Variants in SRGAP2C observed in about 807,000 individuals in gnomAD.
SRGAP2C encodes SLIT-ROBO Rho GTPase-activating protein 2C.
In SRGAP2C, 15 loss-of-function variants were observed where a neutral mutation model predicts 25.1. That is an observed-to-expected ratio of 0.60 (90% confidence interval 0.40 to 0.92). The LOEUF (loss-of-function observed/expected upper bound fraction) is 0.92, where lower values mean the gene tolerates loss of function less well. Ranked by LOEUF, SRGAP2C falls within the 40% of genes least tolerant of loss-of-function variation. The probability of loss-of-function intolerance (pLI) is 0.00; values close to 1 mark genes in which losing one functional copy is unlikely to be tolerated. For synonymous variants in SRGAP2C, 44 were observed against 96.6 expected (o/e 0.46, Z 3.19); for missense variants, 144 against 264.4 (o/e 0.54, Z 3.16).
chr1:121,270,747 C>T (rs1202014567), intron 2 of SRGAP2C, among the ~76,000 whole-genome samples: 3 of 142,284 alleles, frequency 2.1e-5, no homozygotes, highest in Non-Finnish European at 4.6e-5. Flanking sequence ...GAAACAATAG[C>T]AGATATAATT....
At chr1:121,306,928 TTG>T (rs1657854782) in intron 3 of SRGAP2C, among the ~76,000 whole-genome samples, 1 of 152,006 alleles carries the variant, frequency 6.6e-6, no homozygotes, top group Non-Finnish European at 1.5e-5. Context: ...TATCTTTGCT[TTG>T]TGTGATGTAC....
At chr1:121,295,359 T>C (rs1657572554) in intron 3 of SRGAP2C, among the ~76,000 whole-genome samples, 1 of 151,734 alleles carries the variant, frequency 6.6e-6, no homozygotes, top group Admixed American at 6.6e-5. Flanking sequence ...AGTGGTAGTT[T>C]GCTAAATGAC....
intron 3 of SRGAP2C, among the ~76,000 whole-genome samples, chr1:121,303,990 G>A (rs1419477777): frequency 1.4e-5 from 2 of 147,370 alleles, no homozygotes; most frequent in Non-Finnish European, 3.0e-5. Flanking sequence ...CGATCATGAG[G>A]TCAGGAGATC....
chr1:121,351,614 T>TAAAG (rs1246796908), intron 4 of SRGAP2C, among the ~76,000 whole-genome samples: 1 of 128,470 alleles, frequency 7.8e-6, no homozygotes, highest in Non-Finnish European at 1.6e-5. Context: ...CATCTCAAAA[T>TAAAG]AAATAAATAA....
chr1:121,315,167 G>C, intron 3 of SRGAP2C: 1 of 402,176 alleles, frequency 2.5e-6, no homozygotes, highest in Non-Finnish European at 4.7e-6. Flanking sequence ...TTTTTTAAGA[G>C]ACAGGTCCTA....
chr1:121,293,057 A>C (rs1289762182), intron 3 of SRGAP2C, among the ~76,000 whole-genome samples: 6 of 125,352 alleles, frequency 4.8e-5, no homozygotes, highest in Non-Finnish European at 8.3e-5. Flanking sequence ...AATGGATGGG[A>C]GATAAAAAAA....
At chr1:121,313,526 G>C in intron 3 of SRGAP2C, among the ~76,000 whole-genome samples, 1 of 132,792 alleles carries the variant, frequency 7.5e-6, no homozygotes, top group Non-Finnish European at 1.6e-5. Flanking sequence ...AGTCTCGATG[G>C]TCTTTACATT....
intron 6 of SRGAP2C, 108 bp from the exon 7 acceptor site, chr1:121,374,718 G>C: frequency 1.6e-6 from 1 of 639,724 alleles, no homozygotes; most frequent in East Asian, 2.7e-5. Context: ...ATGCGCATAG[G>C]GAGTAGCAAC....
intron 2 of SRGAP2C, among the ~76,000 whole-genome samples, chr1:121,188,902 T>G (rs1654598970): frequency 1.3e-5 from 1 of 78,110 alleles, no homozygotes; most frequent in African/African-American, 6.2e-5. Context: ...GTGGGGGAGT[T>G]GACTGATTGA....
At chr1:121,277,893 A>G (rs1657144013) in intron 2 of SRGAP2C, among the ~76,000 whole-genome samples, 1 of 114,802 alleles carries the variant, frequency 8.7e-6, no homozygotes, top group Non-Finnish European at 1.8e-5. Context: ...AAGGAATGAA[A>G]AACAATTATT....
intron 2 of SRGAP2C, among the ~76,000 whole-genome samples, chr1:121,234,816 C>A (rs1298012486): frequency 6.7e-6 from 1 of 149,090 alleles, no homozygotes; most frequent in African/African-American, 2.6e-5. Flanking sequence ...GCCCCTCTTG[C>A]CCTCTTGCTC....
At chr1:121,234,847 C>T (rs1484688607) in intron 2 of SRGAP2C, among the ~76,000 whole-genome samples, 1 of 150,154 alleles carries the variant, frequency 6.7e-6, no homozygotes, top group Non-Finnish European at 1.5e-5. Flanking sequence ...TCTTGCCCTT[C>T]TGCCTTCTGC....
At chr1:121,332,808 C>T (rs1192944461) in intron 4 of SRGAP2C, among the ~76,000 whole-genome samples, 1 of 58,352 alleles carries the variant, frequency 1.7e-5, no homozygotes, top group East Asian at 5.4e-4. Context: ...TGTGAGAAGG[C>T]ATTTTGGGTG....
chr1:121,321,795 T>C lies in SRGAP2C; in HGVS notation c.261-2683T>C, dbSNP rs1424815390. Among the ~76,000 whole-genome samples, 4 of 152,186 alleles carry C rather than the reference T, an allele frequency of 2.6e-5. No individual in the cohort carries two copies. In the East Asian group the frequency reaches 7.7e-4, roughly 29 times the overall value. On this transcript the variant is annotated intron_variant, in intron 3 of 9. Coordinates refer to ENST00000367123, the MANE Select transcript of SRGAP2C (RefSeq NM_001329984.2). The stretch of plus-strand genomic sequence containing the variant: ...GCCATCCTGTTTATTGACCCATCTT[T>C]GTTCAGTCATCTTTTCTTTTGAGGA...
intron 4 of SRGAP2C, among the ~76,000 whole-genome samples, chr1:121,359,894 C>T (rs1659149891): frequency 6.6e-6 from 1 of 152,194 alleles, no homozygotes; most frequent in Non-Finnish European, 1.5e-5. Flanking sequence ...ACTTGGAGAA[C>T]TTTTCTGTCT....
intron 2 of SRGAP2C, among the ~76,000 whole-genome samples, chr1:121,282,519 T>TGGAAA (rs1657269391): frequency 6.6e-6 from 1 of 151,064 alleles, no homozygotes; most frequent in Non-Finnish European, 1.5e-5. Context: ...ATTCAGTACC[T>TGGAAA]GGAAAGCCTT....
At chr1:121,337,513 T>A (rs1658544238) in intron 4 of SRGAP2C, among the ~76,000 whole-genome samples, 1 of 151,044 alleles carries the variant, frequency 6.6e-6, no homozygotes, top group Non-Finnish European at 1.5e-5. Flanking sequence ...ATTCCTGTAA[T>A]CTCAGCTACT....
intron 4 of SRGAP2C, among the ~76,000 whole-genome samples, chr1:121,335,352 A>G (rs1259577504): frequency 7.6e-6 from 1 of 131,400 alleles, no homozygotes; most frequent in Non-Finnish European, 1.6e-5. Flanking sequence ...AAAAATAAAT[A>G]AATAAATAAA....
chr1:121,218,417 C>A (rs1467013997), intron 2 of SRGAP2C, among the ~76,000 whole-genome samples: 2 of 89,090 alleles, frequency 2.2e-5, no homozygotes, highest in Non-Finnish European at 4.3e-5. Flanking sequence ...TCTATTATTG[C>A]CCCAGCTGGT....
Sources: gnomAD v4.1 joint callset for allele counts (sites outside exome capture counted in the v4.1 genomes callset) on GRCh38, gnomAD v4.1.1 for gene constraint, MANE v1.5 for transcripts, NCBI Gene and HGNC (gene_info 2026-07-23, HGNC 2026-07-21) for gene names.